Variants in SLC24A3 observed in about 807,000 individuals in gnomAD.
SLC24A3 encodes sodium/potassium/calcium exchanger 3.
In SLC24A3, 28 loss-of-function variants were observed where a neutral mutation model predicts 75.8. The ratio of observed to expected loss-of-function variants is 0.37; its 90% CI spans 0.27 to 0.51. SLC24A3 has a LOEUF of 0.51. Among genes scored for constraint, SLC24A3 ranks in the 20% least tolerant of loss-of-function variants. The pLI is 0.94. For synonymous variants in SLC24A3, 372 were observed against 334.1 expected (o/e 1.11, Z -1.24); for missense variants, 663 against 847.8 (o/e 0.78, Z 2.71).
rs183907886 is a variant in SLC24A3 at position 19,424,603 on chromosome 20, G to A, written c.272-90885G>A. Among the ~76,000 whole-genome samples the A allele has an allele frequency of 3.9e-5, 6 of 151,906 alleles. No individual in the cohort carries two copies. In the East Asian group the frequency reaches 1.2e-3, roughly 30 times the overall value. On this transcript the variant is annotated intron_variant, in intron 2 of 16. Coordinates refer to ENST00000328041, the MANE Select transcript of SLC24A3 (RefSeq NM_020689.4). Reference sequence around the variant, plus strand: ...CTACTTGGGAGGCTGAGGCAGAATCGCTTGAGCCTGGGAGGCAGAGGTTGT... The same window carrying A: ...CTACTTGGGAGGCTGAGGCAGAATCACTTGAGCCTGGGAGGCAGAGGTTGT...
intron 2 of SLC24A3, among the ~76,000 whole-genome samples, chr20:19,419,367 CTT>C (rs113298720): frequency 4.2e-5 from 6 of 143,050 alleles, no homozygotes; most frequent in African/African-American, 5.1e-5. Flanking sequence ...AAGCTAGCTT[CTT>C]TTTTTTTTTT....
At chr20:19,625,022 C>T (rs908963298) in intron 6 of SLC24A3, among the ~76,000 whole-genome samples, 1 of 152,178 alleles carries the variant, frequency 6.6e-6, no homozygotes, top group Non-Finnish European at 1.5e-5. Flanking sequence ...GGGAAGGCTG[C>T]ACCTCACATT....
intron 3 of SLC24A3, among the ~76,000 whole-genome samples, chr20:19,534,082 A>T (rs953219591): frequency 1.3e-5 from 2 of 152,250 alleles, no homozygotes; most frequent in Admixed American, 1.3e-4. Context: ...AGCACTTGTG[A>T]TAATTACAGA....
Position 19,693,485 on chromosome 20 carries a change from TAA to T in SLC24A3, c.1491+61_1491+62del, listed in dbSNP as rs554779631. 40 of 1,582,510 alleles carry T rather than the reference TAA, an allele frequency of 2.5e-5. No individual in the cohort carries two copies. The South Asian group carries it at 3.8e-4, about 15-fold the overall frequency. On this transcript the variant is annotated intron_variant, in intron 13 of 16. Coordinates refer to ENST00000328041, the MANE Select transcript of SLC24A3 (RefSeq NM_020689.4). ...TCTCTTTAGAGAATAAAGAAGGGAATAAGAGTCAGGGTTTCAGCCGATAACTG... is the reference window on the plus strand; with the variant it reads ...TCTCTTTAGAGAATAAAGAAGGGAATGAGTCAGGGTTTCAGCCGATAACTG...
chr20:19,599,451 C>T (rs1209896341), intron 6 of SLC24A3, among the ~76,000 whole-genome samples: 7 of 151,632 alleles, frequency 4.6e-5, no homozygotes, highest in Non-Finnish European at 8.8e-5. Flanking sequence ...ATGTGTGATG[C>T]GGTCCCTCCC....
intron 1 of SLC24A3, among the ~76,000 whole-genome samples, chr20:19,265,493 G>A (rs1056682722): frequency 7.9e-5 from 12 of 152,124 alleles, no homozygotes; most frequent in Admixed American, 2.0e-4. Context: ...GTTCTGTTTG[G>A]GATTTCAACA....
intron 2 of SLC24A3, among the ~76,000 whole-genome samples, chr20:19,490,067 TC>T (rs1386172604): frequency 6.6e-6 from 1 of 152,168 alleles, no homozygotes; most frequent in African/African-American, 2.4e-5. Context: ...TTCCAAATAC[TC>T]CCCTGGATCC....
intron 1 of SLC24A3, among the ~76,000 whole-genome samples, chr20:19,235,010 T>A (rs1982124532): frequency 6.6e-6 from 1 of 152,192 alleles, no homozygotes; most frequent in Non-Finnish European, 1.5e-5. Flanking sequence ...ACACACTGAG[T>A]TAAATGCTGC....
At chr20:19,220,675 G>A (rs1981683839) in intron 1 of SLC24A3, among the ~76,000 whole-genome samples, 1 of 152,206 alleles carries the variant, frequency 6.6e-6, no homozygotes, top group Non-Finnish European at 1.5e-5. Flanking sequence ...GTATGCATGA[G>A]GGTAAACATT....
intron 2 of SLC24A3, among the ~76,000 whole-genome samples, chr20:19,349,682 A>G (rs1259331771): frequency 6.6e-6 from 1 of 152,210 alleles, no homozygotes; most frequent in Non-Finnish European, 1.5e-5. Context: ...AGTTGCCCAC[A>G]GCAGTAACTG....
At chr20:19,249,382 A>G (rs1020864585) in intron 1 of SLC24A3, among the ~76,000 whole-genome samples, 1 of 152,124 alleles carries the variant, frequency 6.6e-6, no homozygotes, top group Non-Finnish European at 1.5e-5. Flanking sequence ...TTTCTTTAAG[A>G]CATCATCCTT....
intron 2 of SLC24A3, among the ~76,000 whole-genome samples, chr20:19,361,170 G>A (rs1478815155): frequency 6.6e-6 from 1 of 152,194 alleles, no homozygotes; most frequent in East Asian, 1.9e-4. Flanking sequence ...TTGCAGATCA[G>A]CACTGGCTCT....
chr20:19,435,713 G>T (rs6035336), intron 2 of SLC24A3, among the ~76,000 whole-genome samples: 5 of 152,126 alleles, frequency 3.3e-5, no homozygotes, highest in Non-Finnish European at 5.9e-5. Context: ...TAGTTTTCTC[G>T]TCTGTCTAGT....
chr20:19,473,980 A>G (rs1987918573), intron 2 of SLC24A3, among the ~76,000 whole-genome samples: 1 of 152,254 alleles, frequency 6.6e-6, no homozygotes, highest in Admixed American at 6.5e-5. Flanking sequence ...AATAGAGAAA[A>G]TGGTTTGGTT....
At chr20:19,238,088 A>G (rs534884630) in intron 1 of SLC24A3, among the ~76,000 whole-genome samples, 1 of 152,100 alleles carries the variant, frequency 6.6e-6, no homozygotes, top group Non-Finnish European at 1.5e-5. Context: ...AGCTTGATGA[A>G]TTTTCACTAA....
chr20:19,302,764 G>A (rs1984224482), intron 2 of SLC24A3, among the ~76,000 whole-genome samples: 1 of 152,094 alleles, frequency 6.6e-6, no homozygotes, highest in Non-Finnish European at 1.5e-5. Context: ...AGATCTATGT[G>A]TATACTCTAC....
chr20:19,523,842 C>T (rs1457336524), intron 3 of SLC24A3, among the ~76,000 whole-genome samples: 1 of 152,102 alleles, frequency 6.6e-6, no homozygotes, highest in Non-Finnish European at 1.5e-5. Flanking sequence ...CTTACTTGTC[C>T]CTCTGCTTAG....
intron 8 of SLC24A3, among the ~76,000 whole-genome samples, 199 bp downstream of exon 8, chr20:19,666,088 G>A (rs2032395924): frequency 6.6e-6 from 1 of 152,100 alleles, no homozygotes; most frequent in African/African-American, 2.4e-5. Flanking sequence ...TTCCTCTTGG[G>A]CTAGAGTGGT....
At position 19,292,719 on chromosome 20, in the gene SLC24A3, A is replaced by G. The variant is rs75911953; in HGVS notation, c.271+11632A>G. 2.9e-4 allele frequency among the ~76,000 whole-genome samples: 44 copies of G among 152,310 alleles called. No homozygotes were observed. In the East Asian group the frequency reaches 7.3e-3, roughly 25 times the overall value. ...GGAGGGTTTGATCTGCACTTGACTG[A>G]CCTTCTTGTCGTAGTCTGCTCAGGC... On this transcript the variant is annotated intron_variant, in intron 2 of 16. Coordinates refer to ENST00000328041, the MANE Select transcript of SLC24A3 (RefSeq NM_020689.4).
Sources: allele counts gnomAD v4.1 joint callset (sites outside exome capture counted in the v4.1 genomes callset), GRCh38; gene constraint gnomAD v4.1.1; transcripts MANE v1.5; gene names NCBI Gene and HGNC (gene_info 2026-07-23, HGNC 2026-07-21).